CCDC42: variants seen among roughly 807,000 people sequenced by gnomAD.
The protein encoded by CCDC42 is coiled-coil domain containing 42.
Under a neutral mutation model 40.8 loss-of-function variants are expected in CCDC42, and 38 were observed. The observed-to-expected ratio is 0.93, with a 90% CI of 0.72 to 1.22. CCDC42 has a LOEUF of 1.22. Ranked by LOEUF, CCDC42 falls within the 50% of genes most tolerant of loss-of-function variation. The probability of loss-of-function intolerance (pLI) is 0.00; values close to 1 mark genes in which losing one functional copy is unlikely to be tolerated. For missense variants in CCDC42, 379 were observed against 416.5 expected (o/e 0.91, Z 0.78); for synonymous variants, 135 against 157.5 (o/e 0.86, Z 1.07).
chr17:8,734,537 G>C (rs971020251), intron 6 of CCDC42, among the ~76,000 whole-genome samples: 5 of 147,670 alleles, frequency 3.4e-5, no homozygotes, highest in Admixed American at 1.3e-4. Flanking sequence ...GTCAATTGCT[G>C]TTTTGTTTTT....
chr17:8,744,645 T>G lies in CCDC42; in HGVS notation c.-36A>C. 1 of 1,509,438 alleles carries G rather than the reference T, an allele frequency of 6.6e-7. No individual in the cohort carries two copies. The highest frequency in any genetic ancestry group is 9.2e-7 in the Non-Finnish European group (1 of 1,088,914). 93.5% of individuals were successfully genotyped at this position (1,509,438 alleles called of 1,614,324 possible). A position where few individuals can be genotyped will look rare whatever the true frequency, so the allele number is the denominator to read the frequency against. ...ACCTCACGGCCCAGGCAGCTGACTC[T>G]TCACAGTGAAATTGTGGGTAGCAGA... On this transcript the variant is annotated 5_prime_UTR_variant, in exon 1 of 7. Transcript: ENST00000293845.
intron 6 of CCDC42, among the ~76,000 whole-genome samples, 174 bp from the exon 7 acceptor site, chr17:8,730,381 C>G (rs1002654630): frequency 2.5e-4 from 38 of 152,150 alleles, no homozygotes; most frequent in African/African-American, 8.7e-4. Flanking sequence ...GCTCTGTCAC[C>G]CAGGGTGGAG....
chr17:8,736,762 A>G (rs559873572), intron 4 of CCDC42, among the ~76,000 whole-genome samples: 2 of 152,202 alleles, frequency 1.3e-5, no homozygotes, highest in African/African-American at 4.8e-5. Flanking sequence ...TAAATAGAAG[A>G]TAGCTAGCAA....
In CCDC42 at chr17:8,735,337, G is replaced by A. The variant is rs1422303839; in HGVS notation, c.714+53C>T. 1.2e-6 allele frequency: 2 copies of A among 1,610,666 alleles called. No individual in the cohort carries two copies. Among genetic ancestry groups the A allele is most frequent in the African/African-American group, 2.7e-5 (2 of 74,844 alleles). ...TGTATGTGTGTGTGTGTATGCTCAG[G>A]GCCCGCACTCACCCAGTGCCTGGGA... On this transcript the variant is annotated intron_variant, in intron 5 of 6. Transcript: ENST00000293845. The surrounding 1 kb of genome is among the most constrained non-coding windows in gnomAD (Gnocchi z 4.7).
rs2086607055 is a variant in CCDC42 at position 8,735,606 on chromosome 17, C to T, written c.498G>A (p.Glu166=). 6.2e-7 allele frequency: 1 copy of T among 1,613,380 alleles called. No homozygotes were observed. The highest frequency in any genetic ancestry group is 2.2e-5 in the East Asian group (1 of 44,880). ...LEKVVENSEF[E]EIHEVIARYK... ...AGCGTGCAATCACCTCATGGATCTC[C>T]TCGAACTGTGGTCAGGGGCTCAGGT... The change falls in exon 5 of 7, where the codon GAG becomes GAA. Residue 166 remains glutamate, a synonymous_variant. Transcript: ENST00000293845. The surrounding 1 kb of genome is among the most constrained non-coding windows in gnomAD (Gnocchi z 4.7).
chr17:8,743,547 G>A (rs2086657696), intron 3 of CCDC42, 79 bp downstream of exon 3: 2 of 840,688 alleles, frequency 2.4e-6, no homozygotes, highest in Non-Finnish European at 4.2e-6. Context: ...GTCAGCAGAA[G>A]CAAGGAGGAG....
chr17:8,738,125 C>T (rs2086622570), intron 4 of CCDC42, among the ~76,000 whole-genome samples: 1 of 152,096 alleles, frequency 6.6e-6, no homozygotes, highest in Non-Finnish European at 1.5e-5. Context: ...CACGCTTGAC[C>T]CATTTTGTGC....
intron 3 of CCDC42, among the ~76,000 whole-genome samples, chr17:8,743,069 A>C (rs2086654793): frequency 6.6e-6 from 1 of 152,200 alleles, no homozygotes; most frequent in African/African-American, 2.4e-5. Flanking sequence ...GAGCTGGACC[A>C]GGCCCTTCAG....
At chr17:8,736,697 C>A (rs2086613243) in intron 4 of CCDC42, among the ~76,000 whole-genome samples, 1 of 152,122 alleles carries the variant, frequency 6.6e-6, no homozygotes, top group Non-Finnish European at 1.5e-5. Flanking sequence ...GAGGTAGGAA[C>A]AGCCAGAAAA....
At chr17:8,738,461 GA>G (rs2086624000) in intron 4 of CCDC42, among the ~76,000 whole-genome samples, 1 of 141,834 alleles carries the variant, frequency 7.1e-6, no homozygotes, top group Non-Finnish European at 1.6e-5. Flanking sequence ...AGCATGATTT[GA>G]GATTTTTTTT....
At chr17:8,732,412 G>T (rs1193443802) in intron 6 of CCDC42, among the ~76,000 whole-genome samples, 2 of 151,768 alleles carry the variant, frequency 1.3e-5, no homozygotes, top group East Asian at 3.9e-4. Context: ...TGTCTCTGGA[G>T]ATGGAACTAC....
intron 6 of CCDC42, among the ~76,000 whole-genome samples, 198 bp downstream of exon 6, chr17:8,734,898 C>T (rs1226078540): frequency 1.3e-5 from 2 of 152,226 alleles, no homozygotes; most frequent in African/African-American, 4.8e-5. Context: ...CATGAGTTCT[C>T]ATCTCAGATC....
chr17:8,733,897 G>T (rs1184112449), intron 6 of CCDC42, among the ~76,000 whole-genome samples: 2 of 152,168 alleles, frequency 1.3e-5, no homozygotes, highest in East Asian at 3.8e-4. Context: ...ACCCTATTGT[G>T]GGTCATAGGG....
intron 4 of CCDC42, among the ~76,000 whole-genome samples, chr17:8,738,820 G>A (rs888054918): frequency 6.6e-6 from 1 of 152,118 alleles, no homozygotes; most frequent in South Asian, 2.1e-4. Context: ...AACGTTAAAT[G>A]TTACAAAATG....
chr17:8,741,920 G>A (rs549662673), intron 3 of CCDC42, among the ~76,000 whole-genome samples: 7 of 152,280 alleles, frequency 4.6e-5, no homozygotes, highest in African/African-American at 1.4e-4. Context: ...TGAGGACAGA[G>A]GTTTAATCCA....
chr17:8,741,729 A>G (rs1012940591), intron 3 of CCDC42, 58 bp from the exon 4 acceptor site: 28 of 1,548,496 alleles, frequency 1.8e-5, no homozygotes, highest in African/African-American at 4.1e-5. Context: ...CCCGGGGCCC[A>G]GGCCTTCCTG....
chr17:8,738,464 ATTTTT>A (rs60710929), intron 4 of CCDC42, among the ~76,000 whole-genome samples: 5 of 139,648 alleles, frequency 3.6e-5, no homozygotes, highest in African/African-American at 2.7e-5. Flanking sequence ...ATGATTTGAG[ATTTTT>A]TTTTTTTTTT....
At chr17:8,730,276 C>T in intron 6 of CCDC42, 69 bp from the exon 7 acceptor site, 1 of 987,658 alleles carries the variant, frequency 1.0e-6, no homozygotes. Context: ...GATGGAGCAT[C>T]CCAGACATTC....
chr17:8,741,902 G>A lies in CCDC42; in HGVS notation c.295-231C>T, dbSNP rs9905868. The stretch of plus-strand genomic sequence containing the variant: ...TTCTGTGGACTGAGGTGGGGGCTCA[G>A]GGGGCTGTGAGGACAGAGGTTTAAT... On this transcript the variant is annotated intron_variant, in intron 3 of 6. Coordinates refer to ENST00000293845, the MANE Select transcript of CCDC42 (RefSeq NM_144681.3). Among the ~76,000 whole-genome samples, 147 of 152,312 alleles carry A rather than the reference G, an allele frequency of 9.7e-4. 1 individual carries two copies. Among genetic ancestry groups the A allele is most frequent in the South Asian group, 3.7e-3 (18 of 4,824 alleles).
Sources: allele counts gnomAD v4.1 joint callset (sites outside exome capture counted in the v4.1 genomes callset), GRCh38; gene constraint gnomAD v4.1.1; non-coding constraint Gnocchi (gnomAD v3.1); transcripts MANE v1.5; gene names NCBI Gene and HGNC (gene_info 2026-07-23, HGNC 2026-07-21).